OXR1: variants seen among roughly 807,000 people sequenced by gnomAD.
The protein encoded by OXR1 is oxidation resistance protein 1.
Under a neutral mutation model 104.6 loss-of-function variants are expected in OXR1, and 41 were observed. The observed-to-expected ratio is 0.39, with a 90% CI of 0.31 to 0.51. The LOEUF (loss-of-function observed/expected upper bound fraction) is 0.51, where lower values mean the gene tolerates loss of function less well. Ranked by LOEUF, OXR1 falls within the 20% of genes least tolerant of loss-of-function variation. The probability of loss-of-function intolerance (pLI) is 0.77; values close to 1 mark genes in which losing one functional copy is unlikely to be tolerated. For missense variants in OXR1, 955 were observed against 1,031.9 expected, an observed-to-expected ratio of 0.93 and a Z score of 1.02; for synonymous variants, 348 against 348.4, an observed-to-expected ratio of 1.00 and a Z score of 0.01.
chr8:106,344,377 A>G (rs1815391024), intron 1 of OXR1, among the ~76,000 whole-genome samples: 1 of 152,060 alleles, frequency 6.6e-6, no homozygotes, highest in Non-Finnish European at 1.5e-5. Flanking sequence ...TCGCTCTGTC[A>G]CTCAAGCTGG....
intron 1 of OXR1, among the ~76,000 whole-genome samples, chr8:106,271,189 T>C (rs1194128336): frequency 6.6e-6 from 1 of 152,046 alleles, no homozygotes; most frequent in African/African-American, 2.4e-5. Context: ...GTGCCGCCCC[T>C]TGAATAGTGA....
intron 15 of OXR1, among the ~76,000 whole-genome samples, chr8:106,743,986 A>C (rs1204727098): frequency 2.0e-5 from 3 of 152,362 alleles, no homozygotes; most frequent in African/African-American, 7.2e-5. Flanking sequence ...AAAGAGCTGA[A>C]TGATGAGAAC....
intron 2 of OXR1, among the ~76,000 whole-genome samples, chr8:106,381,782 CA>C (rs1295360687): frequency 6.6e-6 from 1 of 152,090 alleles, no homozygotes; most frequent in African/African-American, 2.4e-5. Context: ...GTTATTTTTG[CA>C]GTGACATTCT....
intron 2 of OXR1, among the ~76,000 whole-genome samples, chr8:106,454,344 C>A (rs1458832270): frequency 6.6e-6 from 1 of 151,554 alleles, no homozygotes; most frequent in South Asian, 2.1e-4. Flanking sequence ...ACCTGTAGTC[C>A]CAGCTACTCG....
rs189752608 is a variant in OXR1 at position 106,608,998 on chromosome 8, A to G, written c.221-70212A>G. Among the ~76,000 whole-genome samples the G allele has an allele frequency of 1.3e-3, 193 of 152,274 alleles. 1 individual carries two copies. The highest frequency in any genetic ancestry group is 0.01 in the Middle Eastern group (3 of 294). On this transcript the variant is annotated intron_variant, in intron 3 of 16. Transcript: ENST00000517566. Reference sequence around the variant, plus strand: ...TCATAAAGCCCATTTTGTAGAATGAACTTTGTTCCCCACTTATCACTCCAC... The same window carrying G: ...TCATAAAGCCCATTTTGTAGAATGAGCTTTGTTCCCCACTTATCACTCCAC...
chr8:106,623,600 G>A (rs576088974), intron 3 of OXR1, among the ~76,000 whole-genome samples: 2 of 152,246 alleles, frequency 1.3e-5, no homozygotes, highest in South Asian at 4.1e-4. Flanking sequence ...GCCTGGTAGA[G>A]TAAGTTGTGG....
chr8:106,643,392 G>C (rs1823821193), intron 3 of OXR1, among the ~76,000 whole-genome samples: 1 of 151,798 alleles, frequency 6.6e-6, no homozygotes, highest in Non-Finnish European at 1.5e-5. Flanking sequence ...GCTGTTCCCT[G>C]GTCTAGAAGA....
In OXR1 at chr8:106,443,130, A is replaced by G. The variant is rs543485731; in HGVS notation, c.24-75813A>G. Among the ~76,000 whole-genome samples, 4 of 152,246 alleles carry G rather than the reference A, an allele frequency of 2.6e-5. No homozygotes were observed. The South Asian group carries it at 6.2e-4, about 24-fold the overall frequency. ...ATCTTTGTTCTCATTGGTTTCAAAG[A>G]ACTTCATTTCTGCCTTAATTTCGTT... On this transcript the variant is annotated intron_variant, in intron 2 of 16. Coordinates refer to ENST00000517566, the MANE Select transcript of OXR1 (RefSeq NM_001198533.2).
intron 1 of OXR1, among the ~76,000 whole-genome samples, chr8:106,353,872 T>C (rs1373090374): frequency 2.0e-5 from 3 of 152,114 alleles, no homozygotes; most frequent in Non-Finnish European, 4.4e-5. Context: ...ATTTTTTGTG[T>C]CACTTGACTA....
Position 106,727,387 on chromosome 8 carries a change from C to T in OXR1, c.1957-10133C>T, listed in dbSNP as rs375375011. Among the ~76,000 whole-genome samples the T allele has an allele frequency of 3.3e-4, 50 of 152,222 alleles. No individual in the cohort carries two copies. The South Asian group carries it at 0.01, about 31-fold the overall frequency. On this transcript the variant is annotated intron_variant, in intron 11 of 16. Transcript: ENST00000517566. The stretch of plus-strand genomic sequence containing the variant: ...GTGCATCAAACACTTACATTTATTA[C>T]AGTCACCACGTCCAAGGCCTGTTCA...
At chr8:106,533,984 A>G (rs1279943405) in intron 3 of OXR1, among the ~76,000 whole-genome samples, 1 of 152,168 alleles carries the variant, frequency 6.6e-6, no homozygotes, top group Non-Finnish European at 1.5e-5. Flanking sequence ...AAGTGATAGG[A>G]TTACAGGCGT....
At chr8:106,667,359 G>A (rs971659368) in intron 3 of OXR1, among the ~76,000 whole-genome samples, 3 of 152,144 alleles carry the variant, frequency 2.0e-5, no homozygotes, top group Admixed American at 6.6e-5. Flanking sequence ...GCTGAATTTA[G>A]CAGGTTATTA....
chr8:106,313,654 C>G (rs1586509119), intron 1 of OXR1, among the ~76,000 whole-genome samples: 1 of 151,748 alleles, frequency 6.6e-6, no homozygotes. Context: ...TTTGCTAGGA[C>G]AAAATGAATT....
In OXR1 at chr8:106,329,570, A is replaced by G. The variant is rs150130833; in HGVS notation, c.-138-29906A>G. Reference sequence around the variant, plus strand: ...CACCGTGTTAGCCCGGATGGTCTCGATCTCCTGACCTAGTGATCCGCCTGC... The same window carrying G: ...CACCGTGTTAGCCCGGATGGTCTCGGTCTCCTGACCTAGTGATCCGCCTGC... On this transcript the variant is annotated intron_variant, in intron 1 of 16. Coordinates refer to ENST00000517566, the MANE Select transcript of OXR1 (RefSeq NM_001198533.2). 3.2e-4 allele frequency among the ~76,000 whole-genome samples: 49 copies of G among 151,782 alleles called. 1 individual carries two copies. Among genetic ancestry groups the G allele is most frequent in the African/African-American group, 1.1e-3 (46 of 41,368 alleles).
intron 11 of OXR1, among the ~76,000 whole-genome samples, chr8:106,721,918 G>T (rs1439956903): frequency 6.6e-6 from 1 of 152,134 alleles, no homozygotes; most frequent in Non-Finnish European, 1.5e-5. Context: ...TGATTGCCTT[G>T]TGGAGCCAGT....
intron 1 of OXR1, among the ~76,000 whole-genome samples, chr8:106,316,717 C>CTATCTATCATCTATCT (rs147531007): frequency 1.7e-5 from 2 of 118,638 alleles, no homozygotes; most frequent in Non-Finnish European, 3.4e-5. Flanking sequence ...ATCTATCTAT[C>CTATCTATCATCTATCT]ATCTATCTAT....
At chr8:106,516,369 C>T (rs1391558835) in intron 2 of OXR1, among the ~76,000 whole-genome samples, 1 of 152,130 alleles carries the variant, frequency 6.6e-6, no homozygotes, top group Non-Finnish European at 1.5e-5. Flanking sequence ...TTACTTATCA[C>T]CTGTCTCCCT....
chr8:106,297,742 T>A (rs1396092501), intron 1 of OXR1, among the ~76,000 whole-genome samples: 1 of 152,242 alleles, frequency 6.6e-6, no homozygotes, highest in African/African-American at 2.4e-5. Context: ...AATAGTTTCT[T>A]ATTTCTACCA....
At chr8:106,415,126 C>T (rs938500714) in intron 2 of OXR1, among the ~76,000 whole-genome samples, 15 of 152,188 alleles carry the variant, frequency 9.9e-5, no homozygotes, top group Non-Finnish European at 1.8e-4. Flanking sequence ...GCCGACTTCA[C>T]TTATTTGACT....
Sources: gnomAD v4.1 joint callset for allele counts (sites outside exome capture counted in the v4.1 genomes callset) on GRCh38, gnomAD v4.1.1 for gene constraint, MANE v1.5 for transcripts, NCBI Gene and HGNC (gene_info 2026-07-23, HGNC 2026-07-21) for gene names.